FGD4: variants seen among roughly 807,000 people sequenced by gnomAD.
FGD4 encodes the protein FYVE, RhoGEF and PH domain-containing protein 4.
A neutral mutation model predicts 102.0 loss-of-function variants in FGD4; 42 were observed. That is an observed-to-expected ratio of 0.41 (90% CI 0.32 to 0.53). The LOEUF (loss-of-function observed/expected upper bound fraction) is 0.53, where lower values mean the gene tolerates loss of function less well. Among genes scored for constraint, FGD4 ranks in the 20% least tolerant of loss-of-function variants. The pLI is 0.21. For synonymous variants in FGD4, 380 were observed against 375.7 expected (o/e 1.01, Z -0.13); for missense variants, 902 against 1,078.2 (o/e 0.84, Z 2.29).
chr12:32,614,501 A>G (rs1410494767), intron 10 of FGD4, among the ~76,000 whole-genome samples: 2 of 152,218 alleles, frequency 1.3e-5, no homozygotes, highest in Non-Finnish European at 2.9e-5. Context: ...ACATCTGCTT[A>G]TTATGAGATG....
At chr12:32,632,689 T>TTTTATTTA (rs1224159384) in intron 14 of FGD4, among the ~76,000 whole-genome samples, 5 of 146,490 alleles carry the variant, frequency 3.4e-5, no homozygotes, top group African/African-American at 1.3e-4. Flanking sequence ...TTATTTTTAT[T>TTTTATTTA]TTTATTTATT....
chr12:32,446,466 A>G (rs1942620140), intron 1 of FGD4, among the ~76,000 whole-genome samples: 1 of 152,176 alleles, frequency 6.6e-6, no homozygotes, highest in Non-Finnish European at 1.5e-5. Flanking sequence ...AGGGGTACTT[A>G]GCAAGGCCTG....
At chr12:32,471,141 C>G (rs1786153016) in intron 1 of FGD4, among the ~76,000 whole-genome samples, 1 of 152,168 alleles carries the variant, frequency 6.6e-6, no homozygotes, top group Non-Finnish European at 1.5e-5. Context: ...TTCCCCCCAA[C>G]CCCCACACCA....
chr12:32,474,076 A>C (rs55821775), intron 1 of FGD4, among the ~76,000 whole-genome samples: 8,520 of 151,282 alleles, frequency 0.056, 320 homozygotes, highest in Non-Finnish European at 0.084. Flanking sequence ...TGACAGTGCG[A>C]GACTCTGTCT....
intron 1 of FGD4, among the ~76,000 whole-genome samples, chr12:32,528,860 A>C (rs2136813655): frequency 6.6e-6 from 1 of 152,296 alleles, no homozygotes; most frequent in East Asian, 1.9e-4. Context: ...CAAATGCAGA[A>C]ACTTTGGATT....
At chr12:32,493,960 G>A (rs915931164) in intron 1 of FGD4, among the ~76,000 whole-genome samples, 4 of 152,216 alleles carry the variant, frequency 2.6e-5, no homozygotes, top group Non-Finnish European at 5.9e-5. Flanking sequence ...GAAACAAGAG[G>A]AAGATCTGGA....
intron 1 of FGD4, among the ~76,000 whole-genome samples, chr12:32,464,002 C>T (rs186744654): frequency 2.0e-5 from 3 of 152,258 alleles, no homozygotes; most frequent in African/African-American, 7.2e-5. Flanking sequence ...TTCACGTAGC[C>T]ACTAAGTAGA....
chr12:32,446,883 T>C (rs1942631074), intron 1 of FGD4, among the ~76,000 whole-genome samples: 1 of 152,036 alleles, frequency 6.6e-6, no homozygotes, highest in African/African-American at 2.4e-5. Context: ...GGAGCACAGG[T>C]AGGATTTAGC....
chr12:32,512,949 A>G (rs900865920), intron 1 of FGD4, among the ~76,000 whole-genome samples: 15 of 152,206 alleles, frequency 9.9e-5, no homozygotes, highest in Non-Finnish European at 2.9e-5. Flanking sequence ...CTCACATCAA[A>G]GTTAGGTAGA....
chr12:32,592,204 T>G (rs560819569), intron 4 of FGD4, among the ~76,000 whole-genome samples: 82 of 152,148 alleles, frequency 5.4e-4, no homozygotes, highest in African/African-American at 1.6e-3. Context: ...TGCTTCAGCC[T>G]CCTGAGTAGC....
rs2136783537 is a variant in FGD4 at position 32,612,311 on chromosome 12, G to T, written c.1749+1028G>T. Among the ~76,000 whole-genome samples the T allele has an allele frequency of 1.3e-5, 2 of 152,326 alleles. 1 individual carries two copies. Among genetic ancestry groups the T allele is most frequent in the South Asian group, 4.1e-4 (2 of 4,834 alleles). The stretch of plus-strand genomic sequence containing the variant: ...GCTGTGCGCGTGACCCGGACCCTGT[G>T]CTCGCTCATTCACGTACCCCTTGCT... On this transcript the variant is annotated intron_variant, in intron 10 of 16. Transcript: ENST00000534526.
rs114115884 is a variant in FGD4, at chr12:32,578,342, A to G, written c.503+1893A>G. On this transcript the variant is annotated intron_variant, in intron 3 of 16. Transcript: ENST00000534526. The stretch of plus-strand genomic sequence containing the variant: ...TGCATTGGATCTATAGGACTTAAGT[A>G]GGAGATTTGTATTTACTGTTGAGTG... 3.8e-3 allele frequency among the ~76,000 whole-genome samples: 583 copies of G among 152,324 alleles called. 8 individuals are homozygous for G. The highest frequency in any genetic ancestry group is 0.013 in the African/African-American group (554 of 41,570).
In FGD4 at chr12:32,635,740, C is replaced by T. The variant is rs542265158; in HGVS notation, c.2313+2051C>T. On this transcript the variant is annotated intron_variant, in intron 15 of 16. Coordinates refer to ENST00000534526, the MANE Select transcript of FGD4 (RefSeq NM_001370298.3). ...TTTTTAATAATATGGATCAGCTGGG[C>T]GCAGTGGCTCATGCCTGTAATCCCA... Among the ~76,000 whole-genome samples, 17 of 152,108 alleles carry T rather than the reference C, an allele frequency of 1.1e-4. No homozygotes were observed. In the South Asian group the frequency reaches 2.5e-3, roughly 22 times the overall value.
chr12:32,561,998 T>G (rs1404442748), intron 1 of FGD4, among the ~76,000 whole-genome samples: 1 of 151,714 alleles, frequency 6.6e-6, no homozygotes, highest in African/African-American at 2.4e-5. Context: ...GGCGAGAGGG[T>G]GTGTGTGTGG....
intron 1 of FGD4, among the ~76,000 whole-genome samples, chr12:32,431,679 G>A (rs1199099105): frequency 5.9e-5 from 9 of 151,790 alleles, no homozygotes; most frequent in Admixed American, 1.3e-4. Context: ...AGGCTGAGGC[G>A]GGTAGATCAC....
At chr12:32,531,812 T>C (rs1941844896) in intron 1 of FGD4, among the ~76,000 whole-genome samples, 4 of 152,234 alleles carry the variant, frequency 2.6e-5, no homozygotes, top group Non-Finnish European at 5.9e-5. Flanking sequence ...GATAAGTGCA[T>C]TCCCACCTGA....
At chr12:32,589,398 T>C (rs1947296527) in intron 4 of FGD4, among the ~76,000 whole-genome samples, 1 of 152,246 alleles carries the variant, frequency 6.6e-6, no homozygotes, top group African/African-American at 2.4e-5. Flanking sequence ...GCCTGAGGAC[T>C]GTTGGTTATT....
chr12:32,451,822 G>A (rs139224689), intron 1 of FGD4, among the ~76,000 whole-genome samples: 4,429 of 48,980 alleles, frequency 0.09, 124 homozygotes, highest in Middle Eastern at 0.31. Context: ...CAACAAAAGC[G>A]AAACTCCATC....
At chr12:32,638,831 C>T (rs1950997884) in intron 16 of FGD4, 36 bp downstream of exon 16, 1 of 1,613,010 alleles carries the variant, frequency 6.2e-7, no homozygotes, top group Non-Finnish European at 8.5e-7. Flanking sequence ...GGACAGATGC[C>T]CTTGGGGGCA....
Sources: gnomAD v4.1 joint callset for allele counts (sites outside exome capture counted in the v4.1 genomes callset) on GRCh38, gnomAD v4.1.1 for gene constraint, MANE v1.5 for transcripts, NCBI Gene and HGNC (gene_info 2026-07-23, HGNC 2026-07-21) for gene names.